Variants in ABCD3 observed in about 807,000 individuals in gnomAD.
The protein encoded by ABCD3 is ATP binding cassette subfamily D member 3, also known as ATP-binding cassette sub-family D member 3.
ABCD3 carries 41 observed loss-of-function variants against 105.5 expected under a neutral mutation model. That is an observed-to-expected ratio of 0.39 (90% CI 0.30 to 0.50). The LOEUF (loss-of-function observed/expected upper bound fraction) is 0.50, where lower values mean the gene tolerates loss of function less well. Ranked by LOEUF, ABCD3 falls within the 20% of genes least tolerant of loss-of-function variation. The pLI, the probability that ABCD3 is intolerant of heterozygous loss-of-function variation, is 0.84. For missense variants in ABCD3, 622 were observed against 806.3 expected (o/e 0.77, Z 2.77); for synonymous variants, 258 against 269.0 (o/e 0.96, Z 0.40).
chr1:94,413,655 T>G (rs1346227869), upstream of ABCD3, among the ~76,000 whole-genome samples: 1 of 152,166 alleles, frequency 6.6e-6, no homozygotes, highest in Non-Finnish European at 1.5e-5. Context: ...CTTGGTGCAG[T>G]TGGGTACCTA....
In ABCD3 at chr1:94,418,466, T is replaced by C; in HGVS notation, c.-13T>C. 2 of 1,589,126 alleles carry C rather than the reference T, an allele frequency of 1.3e-6. 1 individual carries two copies. Among genetic ancestry groups the C allele is most frequent in the Non-Finnish European group, 1.7e-6 (2 of 1,172,450 alleles). On this transcript the variant is annotated 5_prime_UTR_variant, in exon 1 of 23. Transcript: ENST00000370214. ...CCGCGTCCCCTCGCCGGCTCGCTGG[T>C]ACCGGCAGTGCCATGGCGGCCTTCA...
intron 21 of ABCD3, among the ~76,000 whole-genome samples, chr1:94,511,992 C>G (rs970296654): frequency 6.6e-6 from 1 of 152,134 alleles, no homozygotes; most frequent in Non-Finnish European, 1.5e-5. Context: ...TCTCTCAGCT[C>G]GTCAAAGTCA....
At chr1:94,406,919 A>T in the ABCD3 span, 1 of 154,468 alleles carries the variant, frequency 6.5e-6, no homozygotes, top group Non-Finnish European at 1.4e-5. Context: ...TTACAGCCAA[A>T]AGGCTATAGT....
chr1:94,463,130 A>G (rs1337101043), intron 2 of ABCD3, among the ~76,000 whole-genome samples: 1 of 152,162 alleles, frequency 6.6e-6, no homozygotes, highest in African/African-American at 2.4e-5. Context: ...GCATGTATGA[A>G]TTAAGTAGAC....
At chr1:94,411,658 A>T in the ABCD3 span, among the ~76,000 whole-genome samples, 1 of 152,108 alleles carries the variant, frequency 6.6e-6, no homozygotes, top group Admixed American at 6.5e-5. Flanking sequence ...TAGCAATTCT[A>T]CTCCTAGTTA....
intron 1 of ABCD3, among the ~76,000 whole-genome samples, chr1:94,451,875 T>G (rs914137152): frequency 6.6e-6 from 1 of 152,188 alleles, no homozygotes; most frequent in Non-Finnish European, 1.5e-5. Flanking sequence ...TGCTAATACT[T>G]CCTCTGTCTT....
intron 1 of ABCD3, among the ~76,000 whole-genome samples, chr1:94,447,390 A>T (rs888134033): frequency 1.4e-4 from 22 of 152,188 alleles, no homozygotes; most frequent in Admixed American, 8.5e-4. Context: ...TGCTATGATT[A>T]AAAAAAATTG....
intron 1 of ABCD3, among the ~76,000 whole-genome samples, chr1:94,456,453 A>T (rs1384876425): frequency 3.8e-4 from 56 of 145,738 alleles, no homozygotes; most frequent in Non-Finnish European, 6.7e-4. Flanking sequence ...TTTTTTTTTT[A>T]TTTTAGTAGA....
intron 3 of ABCD3, 118 bp downstream of exon 3, chr1:94,464,991 C>CA (rs1177419421): frequency 1.1e-6 from 1 of 874,132 alleles, no homozygotes; most frequent in East Asian, 2.6e-5. Context: ...GCAGGCTGTA[C>CA]AAGCATGGCA....
At chr1:94,395,489 A>G in the ABCD3 span, among the ~76,000 whole-genome samples, 7 of 152,172 alleles carry the variant, frequency 4.6e-5, no homozygotes, top group African/African-American at 1.7e-4. Context: ...TTGGCATAGG[A>G]ATGCATAAAT....
the ABCD3 span, among the ~76,000 whole-genome samples, chr1:94,397,239 A>T: frequency 2.6e-5 from 4 of 152,206 alleles, no homozygotes; most frequent in African/African-American, 7.2e-5. Context: ...CACATTTATC[A>T]AACCCAAGAA....
At chr1:94,494,736 G>T (rs1649713853) in intron 16 of ABCD3, among the ~76,000 whole-genome samples, 1 of 152,130 alleles carries the variant, frequency 6.6e-6, no homozygotes, top group Non-Finnish European at 1.5e-5. Flanking sequence ...CCCCAGTACA[G>T]ACATATTTAT....
chr1:94,434,856 C>G (rs1659839465), intron 1 of ABCD3, among the ~76,000 whole-genome samples: 1 of 152,190 alleles, frequency 6.6e-6, no homozygotes, highest in Non-Finnish European at 1.5e-5. Flanking sequence ...GTCACAGCCC[C>G]TTTCCTCTCA....
chr1:94,500,782 GC>G (rs1317051609), intron 20 of ABCD3, among the ~76,000 whole-genome samples: 8 of 152,092 alleles, frequency 5.3e-5, no homozygotes, highest in Admixed American at 5.2e-4. Flanking sequence ...AGTGTGACTT[GC>G]CTGGCTAGTG....
the ABCD3 span, among the ~76,000 whole-genome samples, chr1:94,394,739 C>T: frequency 4.6e-5 from 7 of 152,230 alleles, no homozygotes; most frequent in East Asian, 1.4e-3. Context: ...CCTTTCCTAT[C>T]GATGTTGTAA....
intron 15 of ABCD3, among the ~76,000 whole-genome samples, chr1:94,490,260 A>G (rs1284210378): frequency 6.6e-6 from 1 of 151,944 alleles, no homozygotes; most frequent in Non-Finnish European, 1.5e-5. Context: ...TGAGAATTTA[A>G]TTTAGATGTG....
At chr1:94,413,758 C>A (rs1658954445), upstream of ABCD3, among the ~76,000 whole-genome samples, 1 of 152,106 alleles carries the variant, frequency 6.6e-6, no homozygotes, top group Non-Finnish European at 1.5e-5. Context: ...AGGTGTTTAC[C>A]TTTCCAGAGA....
At chr1:94,410,401 A>T in the ABCD3 span, among the ~76,000 whole-genome samples, 1 of 152,230 alleles carries the variant, frequency 6.6e-6, no homozygotes, top group Admixed American at 6.5e-5. Flanking sequence ...AAGTAGCAGG[A>T]TAATTTCTTG....
At chr1:94,449,940 T>C (rs1052166816) in intron 1 of ABCD3, among the ~76,000 whole-genome samples, 3 of 152,214 alleles carry the variant, frequency 2.0e-5, no homozygotes, top group Non-Finnish European at 2.9e-5. Context: ...AAACTATTAA[T>C]GGCTGTTAAC....
Sources: allele counts gnomAD v4.1 joint callset (sites outside exome capture counted in the v4.1 genomes callset), GRCh38; gene constraint gnomAD v4.1.1; transcripts MANE v1.5; gene names NCBI Gene and HGNC (gene_info 2026-07-23, HGNC 2026-07-21).